Variants in BCL6 observed in about 807,000 individuals in gnomAD.
BCL6 encodes BCL6 transcription repressor.
BCL6 carries 7 observed loss-of-function variants against 59.5 expected under a neutral mutation model. That is an observed-to-expected ratio of 0.12 (90% CI 0.07 to 0.22). The LOEUF (loss-of-function observed/expected upper bound fraction) is 0.22, where lower values mean the gene tolerates loss of function less well. Ranked by LOEUF, BCL6 falls within the 10% of genes least tolerant of loss-of-function variation. The probability of loss-of-function intolerance (pLI) is 1.00; values close to 1 mark genes in which losing one functional copy is unlikely to be tolerated. For synonymous variants in BCL6, 339 were observed against 349.7 expected (o/e 0.97, Z 0.34); for missense variants, 685 against 939.4 (o/e 0.73, Z 3.54).
chr3:187,721,958 T>TTATA lies in BCL6; in HGVS notation c.*496_*499dup, dbSNP rs140362025. 189 of 171,980 alleles carry TTATA rather than the reference T, an allele frequency of 1.1e-3. No individual in the cohort carries two copies. Among genetic ancestry groups the TTATA allele is most frequent in the East Asian group, 5.9e-3 (52 of 8,852 alleles). 10.7% of individuals were successfully genotyped at this position (171,980 alleles called of 1,614,324 possible). A position where few individuals can be genotyped will look rare whatever the true frequency, so the allele number is the denominator to read the frequency against. On this transcript the variant is annotated 3_prime_UTR_variant, in exon 10 of 10. Coordinates refer to ENST00000406870, the MANE Select transcript of BCL6 (RefSeq NM_001706.5). The surrounding 1 kb of genome is among the most constrained non-coding windows in gnomAD (Gnocchi z 4.2). ...TTTTTTAGGTTTATATATATTTATTTTATATATATATATATTTATATATTT... is the reference window on the plus strand; with the variant it reads ...TTTTTTAGGTTTATATATATTTATTTTATATATATATATATATATTTATATATTT...
Position 187,729,203 on chromosome 3 carries a change from C to T in BCL6, c.1202G>A (p.Gly401Asp). The T allele has an allele frequency of 3.1e-6, 5 of 1,597,382 alleles. No individual in the cohort carries two copies. Among genetic ancestry groups the T allele is most frequent in the Non-Finnish European group, 4.3e-6 (5 of 1,171,148 alleles). The part of the protein sequence containing the change: ...KPEGPEQAEL[G>D]RLSPRAYTAP... ...CGTGTAGGCTCGTGGGGAAAGGCGG[C>T]CCAGCTCAGCCTGCTCAGGCCCCTC... is the stretch of plus-strand genomic sequence containing the variant. The change falls in exon 5 of 10, where the codon GGC becomes GAC. Residue 401 changes from glycine to aspartate, a missense_variant. Gly to Asp is a moderately conservative substitution (Grantham distance 94). Transcript: ENST00000406870. This position sits in a 1 kb window ranked among gnomAD's most constrained non-coding sequence, Gnocchi z 5.6.
chr3:187,742,408 G>T (rs1711639938), intron 1 of BCL6, among the ~76,000 whole-genome samples: 1 of 152,156 alleles, frequency 6.6e-6, no homozygotes, highest in African/African-American at 2.4e-5. Flanking sequence ...ACCAAACCCA[G>T]AATAAGTTAG....
intron 1 of BCL6, among the ~76,000 whole-genome samples, chr3:187,742,460 AAAG>A (rs1401320352): frequency 1.3e-5 from 2 of 152,210 alleles, no homozygotes; most frequent in Non-Finnish European, 2.9e-5. Flanking sequence ...TCAAAACTGA[AAAG>A]AAGAAAGGGG....
intron 1 of BCL6, among the ~76,000 whole-genome samples, chr3:187,739,440 G>A (rs948075139): frequency 1.3e-5 from 2 of 152,178 alleles, no homozygotes; most frequent in African/African-American, 2.4e-5. Context: ...CTTGGCTGGG[G>A]AACGGGAGGG....
At chr3:187,744,908 G>A (rs889890281) in intron 1 of BCL6, among the ~76,000 whole-genome samples, 24 of 152,026 alleles carry the variant, frequency 1.6e-4, no homozygotes, top group East Asian at 9.8e-4. Context: ...AGCAGAAAGA[G>A]CGAGAGCGCG....
In BCL6 at chr3:187,722,539, C is replaced by T. The variant is rs756234161; in HGVS notation, c.2040G>A (p.Lys680=). The change falls in exon 10 of 10, where the codon AAG becomes AAA. Residue 680 remains lysine, a synonymous_variant. Coordinates refer to ENST00000406870, the MANE Select transcript of BCL6 (RefSeq NM_001706.5). ...KSQLRLHLRQ[K]HGAITNTKVQ... ...CCTTGGTGTTGGTGATGGCGCCATG[C>T]TTCTGGCGCAAGTGAAGTCGCAGCT... The T allele has an allele frequency of 1.8e-5, 29 of 1,613,878 alleles. No individual in the cohort carries two copies. Among genetic ancestry groups the T allele is most frequent in the Non-Finnish European group, 2.1e-5 (25 of 1,179,968 alleles).
At chr3:187,728,176 G>A (rs1718815987) in intron 6 of BCL6, among the ~76,000 whole-genome samples, 184 bp downstream of exon 6, 1 of 152,218 alleles carries the variant, frequency 6.6e-6, no homozygotes, top group Non-Finnish European at 1.5e-5. Context: ...CCTTGCTTTG[G>A]TTAACCCAGT....
In BCL6 at chr3:187,729,903, G is replaced by A. The variant is rs767730014; in HGVS notation, c.502C>T (p.Pro168Ser). The change falls in exon 5 of 10, where the codon CCA (proline) becomes TCA (serine). Residue 168 changes from proline to serine, a missense_variant. Physicochemically the swap from Pro to Ser is moderately conservative, Grantham distance 74. This residue lies in a region of BCL6 where 268 missense variants were observed against 263.8 expected (regional missense o/e 1.02). Transcript: ENST00000406870. The surrounding 1 kb of genome is among the most constrained non-coding windows in gnomAD (Gnocchi z 5.6). ...TCACACCCAGGGGCGCTCCTCAGTGGCAGGTTGTTCTCCACCACCTCACGA... is the reference window on the plus strand; with the variant it reads ...TCACACCCAGGGGCGCTCCTCAGTGACAGGTTGTTCTCCACCACCTCACGA... ...RGREVVENNL[P>S]LRSAPGCESR... 6.8e-6 allele frequency: 11 copies of A among 1,614,142 alleles called. No individual in the cohort carries two copies. Among genetic ancestry groups the A allele is most frequent in the East Asian group, 2.2e-5 (1 of 44,878 alleles).
chr3:187,728,321 C>T (rs781543869), intron 6 of BCL6, 39 bp downstream of exon 6: 1 of 1,525,322 alleles, frequency 6.6e-7, no homozygotes, highest in African/African-American at 1.4e-5. Flanking sequence ...GAGGGGCCTT[C>T]CTTCTCCCTG....
At chr3:187,732,351 A>G in intron 3 of BCL6, 1 of 428,930 alleles carries the variant, frequency 2.3e-6, no homozygotes, top group South Asian at 1.7e-5. Context: ...ACTTATTTTT[A>G]AAATTCTATC....
Position 187,725,318 on chromosome 3 carries a change from TCTGCTCACCTGC to T in BCL6, c.1839+169_1839+180del, listed in dbSNP as rs1283914318. 5.3e-5 allele frequency among the ~76,000 whole-genome samples: 8 copies of T among 150,280 alleles called. No individual in the cohort carries two copies. The highest frequency in any genetic ancestry group is 2.0e-4 in the African/African-American group (8 of 40,706). On this transcript the variant is annotated intron_variant, in intron 8 of 9. Coordinates refer to ENST00000406870, the MANE Select transcript of BCL6 (RefSeq NM_001706.5). The surrounding 1 kb of genome is among the most constrained non-coding windows in gnomAD (Gnocchi z 4.7). ...CTGCCCGCTCTGCTCACCTGCCCGC[TCTGCTCACCTGC>T]ACACGGGGACTGAGTGGGACTTTCT...
chr3:187,735,308 G>A (rs1479345373), intron 1 of BCL6, among the ~76,000 whole-genome samples: 1 of 152,166 alleles, frequency 6.6e-6, no homozygotes, highest in African/African-American at 2.4e-5. Context: ...ACCACTGGAC[G>A]TCATTCAAAA....
intron 1 of BCL6, chr3:187,737,336 A>G (rs1719326312): frequency 7.1e-6 from 1 of 140,550 alleles, no homozygotes; most frequent in Admixed American, 7.4e-5. Flanking sequence ...GAGAGAAGAC[A>G]GCAGAAACGA....
At chr3:187,732,135 C>A (rs1200369927) in intron 3 of BCL6, among the ~76,000 whole-genome samples, 1 of 152,156 alleles carries the variant, frequency 6.6e-6, no homozygotes, top group Admixed American at 6.5e-5. Flanking sequence ...CCTTACAACG[C>A]TGCAAGGTAG....
intron 4 of BCL6, 97 bp downstream of exon 4, chr3:187,731,612 T>C (rs902694202): frequency 1.5e-5 from 18 of 1,179,000 alleles, no homozygotes; most frequent in Non-Finnish European, 2.2e-5. Flanking sequence ...CAGCATATCA[T>C]AGAGGAGTAT....
intron 1 of BCL6, among the ~76,000 whole-genome samples, 195 bp downstream of exon 1, chr3:187,745,215 T>G (rs1003633321): frequency 2.0e-5 from 3 of 151,974 alleles, no homozygotes; most frequent in South Asian, 2.1e-4. Context: ...ACAGCTAGAA[T>G]AAATAAATAT....
chr3:187,734,122 G>GC (rs11370421), intron 2 of BCL6, among the ~76,000 whole-genome samples: 152,351 of 152,356 alleles, frequency 1, 76,173 homozygotes, highest in Middle Eastern at 1. Context: ...CTCACTGCAA[G>GC]TCCGCCTTCC....
At chr3:187,744,756 G>C (rs1012064483) in intron 1 of BCL6, among the ~76,000 whole-genome samples, 2 of 152,192 alleles carry the variant, frequency 1.3e-5, no homozygotes, top group South Asian at 2.1e-4. Flanking sequence ...GGGAAGGGAA[G>C]GAAGAAGAGG....
intron 1 of BCL6, among the ~76,000 whole-genome samples, chr3:187,738,719 GC>G (rs1042694434): frequency 2.0e-5 from 3 of 152,206 alleles, no homozygotes; most frequent in Non-Finnish European, 4.4e-5. Context: ...CCTAAAACTA[GC>G]CAGTGGCGTC....
Sources: allele counts gnomAD v4.1 joint callset (sites outside exome capture counted in the v4.1 genomes callset), GRCh38; gene constraint gnomAD v4.1.1; regional missense constraint gnomAD v4.1.1; non-coding constraint Gnocchi (gnomAD v3.1); transcripts MANE v1.5; gene names NCBI Gene and HGNC (gene_info 2026-07-23, HGNC 2026-07-21).